Variants in ALK observed in about 807,000 individuals in gnomAD.
ALK encodes the protein ALK receptor tyrosine kinase.
In ALK, 74 loss-of-function variants were observed where a neutral mutation model predicts 163.1. The observed-to-expected ratio is 0.45, with a 90% CI of 0.38 to 0.55. The LOEUF (loss-of-function observed/expected upper bound fraction) is 0.55, where lower values mean the gene tolerates loss of function less well. Among genes scored for constraint, ALK ranks in the 20% least tolerant of loss-of-function variants. The pLI, the probability that ALK is intolerant of heterozygous loss-of-function variation, is 0.00. For missense variants in ALK, 2,063 were observed against 2,105.3 expected (o/e 0.98, Z 0.39); for synonymous variants, 960 against 843.2 (o/e 1.14, Z -2.40).
At chr2:29,653,595 T>C (rs115835650) in intron 3 of ALK, among the ~76,000 whole-genome samples, 116 of 152,282 alleles carry the variant, frequency 7.6e-4, no homozygotes, top group African/African-American at 2.8e-3. Flanking sequence ...AAAGATTAAA[T>C]GTCCCAACAT....
At chr2:29,394,061 T>G (rs1415359661) in intron 4 of ALK, among the ~76,000 whole-genome samples, 1 of 152,178 alleles carries the variant, frequency 6.6e-6, no homozygotes, top group African/African-American at 2.4e-5. Flanking sequence ...AGAAAGACAA[T>G]GAGGAACTCT....
chr2:29,560,797 C>G (rs1201631653), intron 3 of ALK, among the ~76,000 whole-genome samples: 1 of 152,088 alleles, frequency 6.6e-6, no homozygotes, highest in African/African-American at 2.4e-5. Flanking sequence ...GTCTCGAACT[C>G]CTGGACTCAA....
At chr2:29,233,469 A>G (rs1184931144) in intron 14 of ALK, 96 bp downstream of exon 14, 2 of 1,551,190 alleles carry the variant, frequency 1.3e-6, no homozygotes, top group Non-Finnish European at 1.8e-6. Flanking sequence ...CACGGGGATA[A>G]GAGCATCTGA....
intron 4 of ALK, among the ~76,000 whole-genome samples, chr2:29,523,860 T>C (rs10189612): frequency 0.64 from 3,410 of 5,356 alleles, 995 homozygotes; most frequent in Middle Eastern, 1. Flanking sequence ...AGCTGAAGGT[T>C]TTTTTTTTTT....
At position 29,694,794 on chromosome 2, in the gene ALK, G is replaced by C. The variant is rs201130530; in HGVS notation, c.952+56C>G. On this transcript the variant is annotated intron_variant, in intron 3 of 28. Coordinates refer to ENST00000389048, the MANE Select transcript of ALK (RefSeq NM_004304.5). ...AGTCTCATCATTTCAAACAGAAATA[G>C]GTATTCCAGCCTGGCCCTGACCCAC... The C allele has an allele frequency of 5.0e-3, 8,065 of 1,600,224 alleles. 58 individuals are homozygous for C. Among genetic ancestry groups the C allele is most frequent in the South Asian group, 0.022 (2,001 of 90,662 alleles).
intron 1 of ALK, among the ~76,000 whole-genome samples, chr2:29,875,987 T>C (rs749277753): frequency 6.6e-6 from 1 of 152,194 alleles, no homozygotes; most frequent in Non-Finnish European, 1.5e-5. Context: ...CTGGTTTCCC[T>C]GGCCCTCCCC....
chr2:29,273,597 G>T (rs1665451810), intron 11 of ALK, among the ~76,000 whole-genome samples: 1 of 152,178 alleles, frequency 6.6e-6, no homozygotes. Context: ...GCTGCAGGGG[G>T]CTGGCTGCTG....
At chr2:29,727,642 G>T (rs1218217562) in intron 1 of ALK, among the ~76,000 whole-genome samples, 1 of 152,164 alleles carries the variant, frequency 6.6e-6, no homozygotes, top group Admixed American at 6.5e-5. Context: ...AGAAATCCTT[G>T]TGCTTTTACT....
Position 29,246,839 on chromosome 2 carries a change from C to G in ALK, c.2204+4266G>C, listed in dbSNP as rs1664686868. ...CCAACTGCTCTCCCCACCTCCAGGC[C>G]GTTTCTCTCACTTCCACCCTCATGC... On this transcript the variant is annotated intron_variant, in intron 12 of 28. Coordinates refer to ENST00000389048, the MANE Select transcript of ALK (RefSeq NM_004304.5). The surrounding 1 kb of genome is among the most constrained non-coding windows in gnomAD (Gnocchi z 4.3). Among the ~76,000 whole-genome samples, 1 of 152,188 alleles carries G rather than the reference C, an allele frequency of 6.6e-6. No individual in the cohort carries two copies. Among genetic ancestry groups the G allele is most frequent in the Non-Finnish European group, 1.5e-5 (1 of 68,034 alleles).
At chr2:29,271,626 T>A (rs1307246775) in intron 11 of ALK, among the ~76,000 whole-genome samples, 4 of 152,220 alleles carry the variant, frequency 2.6e-5, no homozygotes, top group Non-Finnish European at 5.9e-5. Context: ...ACCCCCCTCA[T>A]CTGCAGACTT....
chr2:29,676,211 C>A (rs1677867927), intron 3 of ALK, among the ~76,000 whole-genome samples: 2 of 152,106 alleles, frequency 1.3e-5, no homozygotes, highest in South Asian at 4.1e-4. Context: ...TGATGAAGCA[C>A]AATTTATCAA....
At chr2:29,698,934 GAC>G (rs1295745429) in intron 2 of ALK, among the ~76,000 whole-genome samples, 1 of 152,178 alleles carries the variant, frequency 6.6e-6, no homozygotes, top group African/African-American at 2.4e-5. Flanking sequence ...AAAACATGGA[GAC>G]ACAGGTTTTT....
intron 3 of ALK, among the ~76,000 whole-genome samples, chr2:29,658,962 AC>A (rs1677270196): frequency 6.6e-6 from 1 of 152,080 alleles, no homozygotes; most frequent in African/African-American, 2.4e-5. Context: ...TTTCAGCAAA[AC>A]GAAAAAATCA....
rs140630018 is a variant in ALK, at chr2:29,919,064, C to A, written c.667+929G>T. 4.9e-3 allele frequency among the ~76,000 whole-genome samples: 751 copies of A among 152,172 alleles called. 9 individuals are homozygous for A. The highest frequency in any genetic ancestry group is 0.017 in the African/African-American group (719 of 41,504). ...AGTAAGTGCCTGCACACACACACAC[C>A]CCCAACTCAGTGAATATGGCAAGAA... On this transcript the variant is annotated intron_variant, in intron 1 of 28. Coordinates refer to ENST00000389048, the MANE Select transcript of ALK (RefSeq NM_004304.5).
chr2:29,762,401 T>A (rs1489442467), intron 1 of ALK, among the ~76,000 whole-genome samples: 1 of 152,224 alleles, frequency 6.6e-6, no homozygotes. Flanking sequence ...GTTGCTGAAA[T>A]AACTAATCCA....
intron 1 of ALK, among the ~76,000 whole-genome samples, chr2:29,801,726 A>C (rs1022489228): frequency 3.9e-5 from 6 of 152,192 alleles, no homozygotes; most frequent in African/African-American, 1.4e-4. Context: ...CAAACCATAA[A>C]AGTTAAAAGG....
At chr2:29,824,595 T>A (rs1373601693) in intron 1 of ALK, among the ~76,000 whole-genome samples, 1 of 152,224 alleles carries the variant, frequency 6.6e-6, no homozygotes, top group Non-Finnish European at 1.5e-5. Context: ...ATTTTGGAGA[T>A]TTAAGATTTG....
intron 1 of ALK, among the ~76,000 whole-genome samples, chr2:29,825,185 C>T (rs1046288812): frequency 2.6e-5 from 4 of 152,224 alleles, no homozygotes; most frequent in East Asian, 1.9e-4. Context: ...TGGAAATTTA[C>T]GTCCATTAAA....
intron 5 of ALK, among the ~76,000 whole-genome samples, chr2:29,347,976 C>T (rs565257452): frequency 1.1e-3 from 162 of 152,230 alleles, no homozygotes; most frequent in African/African-American, 3.5e-3. Context: ...GGGACTACAC[C>T]TTAAGAACCT....
Sources: allele counts gnomAD v4.1 joint callset (sites outside exome capture counted in the v4.1 genomes callset), GRCh38; gene constraint gnomAD v4.1.1; non-coding constraint Gnocchi (gnomAD v3.1); transcripts MANE v1.5; gene names NCBI Gene and HGNC (gene_info 2026-07-23, HGNC 2026-07-21).